Variants in SETDB2 observed in about 807,000 individuals in gnomAD.
SETDB2 encodes the protein SET domain bifurcated histone lysine methyltransferase 2, also known as histone-lysine N-methyltransferase SETDB2.
A neutral mutation model predicts 82.5 loss-of-function variants in SETDB2; 56 were observed. That is an observed-to-expected ratio of 0.68 (90% confidence interval 0.55 to 0.85). The LOEUF (loss-of-function observed/expected upper bound fraction) is 0.85, where lower values mean the gene tolerates loss of function less well. Ranked by LOEUF, SETDB2 falls within the 40% of genes least tolerant of loss-of-function variation. SETDB2 has a pLI of 0.00. For synonymous variants in SETDB2, 272 were observed against 284.9 expected, an observed-to-expected ratio of 0.95 and a Z score of 0.46; for missense variants, 677 against 816.4, an observed-to-expected ratio of 0.83 and a Z score of 2.08.
chr13:49,465,426 ACT>A (rs1408402938), intron 4 of SETDB2, among the ~76,000 whole-genome samples: 3 of 152,208 alleles, frequency 2.0e-5, no homozygotes, highest in African/African-American at 7.2e-5. Context: ...GATTTATATA[ACT>A]CATGCAAATA....
At chr13:49,472,812 C>T (rs1958276453) in intron 5 of SETDB2, among the ~76,000 whole-genome samples, 1 of 152,060 alleles carries the variant, frequency 6.6e-6, no homozygotes, top group South Asian at 2.1e-4. Context: ...CCCACTCCTC[C>T]CTAACTCTTC....
At position 49,493,698 on chromosome 13, in the gene SETDB2, T is replaced by C. The variant is rs983765585; in HGVS notation, c.*1849T>C. 6.6e-6 allele frequency: 1 copy of C among 152,230 alleles called. No individual in the cohort carries two copies. Among genetic ancestry groups the C allele is most frequent in the African/African-American group, 2.4e-5 (1 of 41,444 alleles). 9.4% of individuals were successfully genotyped at this position (152,230 alleles called of 1,614,324 possible). A position where few individuals can be genotyped will look rare whatever the true frequency, so the allele number is the denominator to read the frequency against. ...CCCTTATACCTGATTGCTGTTTTGG[T>C]TGGCAAGGTATAGGATTCTTTAGTG... On this transcript the variant is annotated 3_prime_UTR_variant, in exon 14 of 14. Coordinates refer to ENST00000611815, the MANE Select transcript of SETDB2 (RefSeq NM_001160308.3).
chr13:49,488,545 C>T lies in SETDB2; in HGVS notation c.1832C>T (p.Ser611Leu), dbSNP rs1283837167. 6.2e-7 allele frequency: 1 copy of T among 1,613,216 alleles called. No individual in the cohort carries two copies. The highest frequency in any genetic ancestry group is 8.5e-7 in the Non-Finnish European group (1 of 1,179,752). Residue 611 changes from serine to leucine, a missense_variant, in exon 12 of 14, where the codon TCA (serine) becomes TTA (leucine). This residue lies in a region of SETDB2 where 420 missense variants were observed against 554.6 expected (regional missense o/e 0.76). Coordinates refer to ENST00000611815, the MANE Select transcript of SETDB2 (RefSeq NM_001160308.3). Reference sequence around the variant, plus strand: ...TTGCTAAGTGAAACCAAGAATACTTCATCTGATTCTCTAACAAAGTTCAAT... The same window carrying T: ...TTGCTAAGTGAAACCAAGAATACTTTATCTGATTCTCTAACAAAGTTCAAT... ...EELLSETKNT[S>L]SDSLTKFNKG...
At chr13:49,488,730 A>G (rs540582108) in intron 12 of SETDB2, 100 bp downstream of exon 12, 7 of 976,830 alleles carry the variant, frequency 7.2e-6, no homozygotes, top group African/African-American at 6.6e-5. Context: ...AAGTCAGACC[A>G]TCTGGTTAGA....
At chr13:49,479,426 A>C (rs1249452255) in intron 6 of SETDB2, among the ~76,000 whole-genome samples, 4 of 152,228 alleles carry the variant, frequency 2.6e-5, no homozygotes, top group African/African-American at 4.8e-5. Context: ...ACAGAATCCA[A>C]ATTAATGAAT....
rs372058154 is a variant in SETDB2 at position 49,477,080 on chromosome 13, T to C, written c.869+41T>C. 7.6e-5 allele frequency: 113 copies of C among 1,484,088 alleles called. 1 individual carries two copies. Among genetic ancestry groups the C allele is most frequent in the Non-Finnish European group, 9.8e-5 (109 of 1,109,826 alleles). The allele number at this position is 1,484,088 out of a possible 1,614,324, so 91.9% of individuals were successfully genotyped here. A position where few individuals can be genotyped will look rare whatever the true frequency, so the allele number is the denominator to read the frequency against. Reference sequence around the variant, plus strand: ...TGGCGTTTCAAAAAAATCTTCTGAATGTAAGGACGCTTGTTAAGAAGTCTT... The same window carrying C: ...TGGCGTTTCAAAAAAATCTTCTGAACGTAAGGACGCTTGTTAAGAAGTCTT... On this transcript the variant is annotated intron_variant, in intron 6 of 13. Coordinates refer to ENST00000611815, the MANE Select transcript of SETDB2 (RefSeq NM_001160308.3).
intron 5 of SETDB2, among the ~76,000 whole-genome samples, chr13:49,474,018 T>G (rs1958302398): frequency 6.6e-6 from 1 of 152,184 alleles, no homozygotes; most frequent in Non-Finnish European, 1.5e-5. Context: ...CCCCAGCACT[T>G]TGGGAGGCCG....
At chr13:49,456,639 C>T (rs1246676845) in intron 2 of SETDB2, among the ~76,000 whole-genome samples, 1 of 152,118 alleles carries the variant, frequency 6.6e-6, no homozygotes. Context: ...GGTTATAATG[C>T]TGAGCATGCA....
At chr13:49,473,986 G>A (rs1481704463) in intron 5 of SETDB2, among the ~76,000 whole-genome samples, 3 of 152,202 alleles carry the variant, frequency 2.0e-5, no homozygotes, top group African/African-American at 4.8e-5. Context: ...CAAGGGCCAG[G>A]CATGGTGGCT....
chr13:49,454,777 C>T (rs755491213), intron 2 of SETDB2, among the ~76,000 whole-genome samples: 30 of 152,212 alleles, frequency 2.0e-4, no homozygotes, highest in Non-Finnish European at 3.5e-4. Context: ...ACAATAGTTT[C>T]GGTGCCTTTA....
chr13:49,490,819 C>T lies in SETDB2; in HGVS notation c.1918-3C>T, dbSNP rs1302620251. 3 of 1,598,150 alleles carry T rather than the reference C, an allele frequency of 1.9e-6. No homozygotes were observed. The highest frequency in any genetic ancestry group is 2.6e-6 in the Non-Finnish European group (3 of 1,169,826). On this transcript the variant is annotated splice_region_variant and splice_polypyrimidine_tract_variant and intron_variant, in intron 12 of 13. Coordinates refer to ENST00000611815, the MANE Select transcript of SETDB2 (RefSeq NM_001160308.3). ...AACCTTTGTGTTTATTTTTATTTAA[C>T]AGCATAGTTGTTGCCCAAATCTCTT...
chr13:49,483,490 G>T lies in SETDB2; in HGVS notation c.1409G>T (p.Arg470Ile). 7.0e-7 allele frequency: 1 copy of T among 1,419,894 alleles called. No individual in the cohort carries two copies. The highest frequency in any genetic ancestry group is 9.5e-7 in the Non-Finnish European group (1 of 1,053,766). 88.0% of individuals were successfully genotyped at this position (1,419,894 alleles called of 1,614,324 possible). A position where few individuals can be genotyped will look rare whatever the true frequency, so the allele number is the denominator to read the frequency against. ...GAAACGAAATATGATAATATTTCAA[G>T]AATTCAATATCATTCAGTTATTAGA... ...TVETKYDNISRIQYHSVIRDP... is the reference protein window; with the variant it reads ...TVETKYDNISIIQYHSVIRDP... Residue 470 changes from arginine (R) to isoleucine (I), a missense_variant, in exon 10 of 14, where the codon AGA becomes ATA. Physicochemically the swap from Arg to Ile is moderately conservative, Grantham distance 97. Transcript: ENST00000611815.
chr13:49,447,773 A>G (rs1462875437), intron 1 of SETDB2, among the ~76,000 whole-genome samples: 1 of 152,008 alleles, frequency 6.6e-6, no homozygotes, highest in Non-Finnish European at 1.5e-5. Flanking sequence ...TTTATTCAGT[A>G]TTTTTGTGTC....
chr13:49,444,701 C>T lies in SETDB2; in HGVS notation c.-498C>T. On this transcript the variant is annotated 5_prime_UTR_variant, in exon 1 of 14. Coordinates refer to ENST00000611815, the MANE Select transcript of SETDB2 (RefSeq NM_001160308.3). ...GCCGCGGGCGCACTGAGTTTCCAACCTCCATTTCAGCCTGTCTGTCTCAGG... is the reference window on the plus strand; with the variant it reads ...GCCGCGGGCGCACTGAGTTTCCAACTTCCATTTCAGCCTGTCTGTCTCAGG... 1 of 120,046 alleles carries T rather than the reference C, an allele frequency of 8.3e-6. No homozygotes were observed. Among genetic ancestry groups the T allele is most frequent in the Non-Finnish European group, 2.1e-5 (1 of 47,974 alleles). The allele number at this position is 120,046 out of a possible 1,614,324, so 7.4% of individuals were successfully genotyped here.
At chr13:49,464,218 C>T (rs1958055890) in intron 4 of SETDB2, among the ~76,000 whole-genome samples, 1 of 152,200 alleles carries the variant, frequency 6.6e-6, no homozygotes, top group Non-Finnish European at 1.5e-5. Flanking sequence ...TTCCTCTGCT[C>T]TCCCTGATTA....
chr13:49,468,004 G>A, intron 5 of SETDB2, 44 bp downstream of exon 5: 1 of 1,385,790 alleles, frequency 7.2e-7, no homozygotes, highest in South Asian at 1.4e-5. Context: ...TGCTCCTACA[G>A]ATTTCTTCTT....
In SETDB2 at chr13:49,490,927, GCTTA is replaced by G. The variant is rs769979807; in HGVS notation, c.2006+22_2006+25del. On this transcript the variant is annotated intron_variant, in intron 13 of 13. Transcript: ENST00000611815. ...CACCAACAGGTTTGAAATTGATTTC[GCTTA>G]CTTAATTCTGAAATTGTGACTTTAA... is the stretch of plus-strand genomic sequence containing the variant. The G allele has an allele frequency of 6.3e-7, 1 of 1,589,738 alleles. No individual in the cohort carries two copies. Among genetic ancestry groups the G allele is most frequent in the Non-Finnish European group, 8.6e-7 (1 of 1,158,740 alleles).
chr13:49,483,107 C>T, intron 9 of SETDB2, 145 bp downstream of exon 9: 1 of 605,422 alleles, frequency 1.7e-6, no homozygotes, highest in South Asian at 2.6e-5. Context: ...TTGAGAAATC[C>T]AGGACATGTA....
chr13:49,482,929 C>T lies in SETDB2; in HGVS notation c.1349C>T (p.Pro450Leu). Residue 450 changes from proline to leucine, a missense_variant, in exon 9 of 14, where the codon CCA (proline) becomes CTA (leucine). Transcript: ENST00000611815. ...PRTAKTEKCP[P>L]KFSNNPKELT... ...ACTGCTAAAACTGAGAAATGTCCAC[C>T]AAAGTTCAGTAATAATCCCAAGGAG... 1 of 1,612,696 alleles carries T rather than the reference C, an allele frequency of 6.2e-7. No individual in the cohort carries two copies. The highest frequency in any genetic ancestry group is 8.5e-7 in the Non-Finnish European group (1 of 1,179,344).
Sources: gnomAD v4.1 joint callset for allele counts (sites outside exome capture counted in the v4.1 genomes callset) on GRCh38, gnomAD v4.1.1 for gene constraint, gnomAD v4.1.1 regional missense constraint, MANE v1.5 for transcripts, NCBI Gene and HGNC (gene_info 2026-07-23, HGNC 2026-07-21) for gene names.